Variants in ACOT12 observed in about 807,000 individuals in gnomAD.
The protein encoded by ACOT12 is acetyl-coenzyme A thioesterase.
ACOT12 carries 51 observed loss-of-function variants against 67.7 expected under a neutral mutation model. The observed-to-expected ratio is 0.75, with a 90% confidence interval of 0.60 to 0.95. ACOT12 has a LOEUF of 0.95. ACOT12 is among the 40% of genes least tolerant of loss of function. The pLI is 0.00. For missense variants in ACOT12, 734 were observed against 708.1 expected (o/e 1.04, Z -0.41); for synonymous variants, 251 against 244.6 (o/e 1.03, Z -0.24).
intron 2 of ACOT12, among the ~76,000 whole-genome samples, chr5:81,377,903 C>A (rs992193093): frequency 6.6e-6 from 1 of 152,164 alleles, no homozygotes; most frequent in African/African-American, 2.4e-5. Flanking sequence ...TGAAAATGGC[C>A]ATACTGCCCA....
intron 6 of ACOT12, among the ~76,000 whole-genome samples, chr5:81,346,396 T>C (rs74992013): frequency 0.022 from 3,342 of 152,326 alleles, 115 homozygotes; most frequent in African/African-American, 0.076. Flanking sequence ...CAGGTGTCCT[T>C]ACACAATTCC....
intron 1 of ACOT12, among the ~76,000 whole-genome samples, chr5:81,386,036 ACT>A (rs1760717512): frequency 6.6e-6 from 1 of 152,228 alleles, no homozygotes; most frequent in South Asian, 2.1e-4. Context: ...TAATTACTGC[ACT>A]TTTTATCCTA....
intron 4 of ACOT12, among the ~76,000 whole-genome samples, chr5:81,362,230 AT>A (rs1759934481): frequency 6.6e-6 from 1 of 150,530 alleles, no homozygotes; most frequent in African/African-American, 2.5e-5. Context: ...CAATGGCACA[AT>A]CTTGGCTCAC....
At chr5:81,317,919 G>A in the ACOT12 span, among the ~76,000 whole-genome samples, 1 of 132,280 alleles carries the variant, frequency 7.6e-6, no homozygotes, top group African/African-American at 2.9e-5. Context: ...GACAGAGTTT[G>A]TAGCCCAGGC....
the ACOT12 span, chr5:81,312,682 G>A: frequency 6.5e-7 from 1 of 1,544,368 alleles, no homozygotes; most frequent in Non-Finnish European, 8.9e-7. Context: ...GCACTATCAT[G>A]AGTTACTACC....
chr5:81,332,708 C>T (rs1467055649), intron 12 of ACOT12, 103 bp from the exon 13 acceptor site: 3 of 1,381,514 alleles, frequency 2.2e-6, no homozygotes, highest in African/African-American at 1.4e-5. Flanking sequence ...CCATATTTGC[C>T]CCTTCAGCTC....
At chr5:81,370,229 T>A (rs757451198) in intron 3 of ACOT12, among the ~76,000 whole-genome samples, 3 of 152,096 alleles carry the variant, frequency 2.0e-5, no homozygotes, top group Non-Finnish European at 4.4e-5. Context: ...AGCCGAGATC[T>A]TGCCATTGCA....
chr5:81,316,632 G>A, the ACOT12 span, among the ~76,000 whole-genome samples: 1 of 152,158 alleles, frequency 6.6e-6, no homozygotes, highest in African/African-American at 2.4e-5. Flanking sequence ...TATATACCTA[G>A]AATATTTTTC....
At chr5:81,374,932 G>A (rs1265238053) in intron 2 of ACOT12, among the ~76,000 whole-genome samples, 1 of 152,194 alleles carries the variant, frequency 6.6e-6, no homozygotes, top group African/African-American at 2.4e-5. Flanking sequence ...ATATTATCCA[G>A]GAGAACTTCC....
downstream of ACOT12, among the ~76,000 whole-genome samples, chr5:81,325,558 CGG>C (rs373282911): frequency 3.3e-5 from 5 of 152,072 alleles, no homozygotes; most frequent in East Asian, 9.6e-4. Flanking sequence ...GACAAGGAAA[CGG>C]GGGGGCATGT....
the ACOT12 span, among the ~76,000 whole-genome samples, chr5:81,310,824 A>C: frequency 6.6e-6 from 1 of 152,222 alleles, no homozygotes; most frequent in Non-Finnish European, 1.5e-5. Context: ...TGAGAATCTG[A>C]CATGCTATTC....
chr5:81,363,479 T>C (rs1561340539), intron 4 of ACOT12, among the ~76,000 whole-genome samples: 1 of 152,210 alleles, frequency 6.6e-6, no homozygotes, highest in Non-Finnish European at 1.5e-5. Context: ...TGAAAAGCAC[T>C]AAACCAGTAG....
the ACOT12 span, among the ~76,000 whole-genome samples, chr5:81,320,967 C>A: frequency 1.3e-5 from 2 of 152,240 alleles, 1 homozygote; most frequent in South Asian, 4.1e-4. Flanking sequence ...ATAGATAGTG[C>A]CTTCTTGGCC....
chr5:81,356,577 A>C (rs1759721725), intron 5 of ACOT12, among the ~76,000 whole-genome samples: 1 of 152,066 alleles, frequency 6.6e-6, no homozygotes, highest in African/African-American at 2.4e-5. Context: ...CAGGCACTTC[A>C]GACTCCATAT....
At chr5:81,337,531 C>A (rs1220259205) in intron 11 of ACOT12, among the ~76,000 whole-genome samples, 2 of 152,152 alleles carry the variant, frequency 1.3e-5, no homozygotes, top group Admixed American at 6.5e-5. Flanking sequence ...ATATGACTGG[C>A]ATCCTTATTA....
chr5:81,334,192 G>A (rs532398087), intron 12 of ACOT12, among the ~76,000 whole-genome samples: 14 of 152,256 alleles, frequency 9.2e-5, no homozygotes, highest in Non-Finnish European at 1.9e-4. Context: ...CCAAGGCCAC[G>A]CGTGAGCCGT....
At chr5:81,339,172 A>G (rs1759108466) in intron 11 of ACOT12, among the ~76,000 whole-genome samples, 1 of 152,352 alleles carries the variant, frequency 6.6e-6, no homozygotes, top group African/African-American at 2.4e-5. Context: ...ACTGTGGTAA[A>G]GAGGGCAAAA....
chr5:81,376,525 C>T (rs1211362667), intron 2 of ACOT12, among the ~76,000 whole-genome samples: 1 of 151,564 alleles, frequency 6.6e-6, no homozygotes, highest in East Asian at 2.0e-4. Context: ...CATGAAAACC[C>T]TTCAAAAAAG....
chr5:81,348,005 C>A, intron 5 of ACOT12, 75 bp from the exon 6 acceptor site: 7 of 1,470,960 alleles, frequency 4.8e-6, no homozygotes, highest in Non-Finnish European at 6.4e-6. Flanking sequence ...TCCTTCCCGG[C>A]AGTACATTCA....
Sources: allele counts gnomAD v4.1 joint callset (sites outside exome capture counted in the v4.1 genomes callset), GRCh38; gene constraint gnomAD v4.1.1; transcripts MANE v1.5; gene names NCBI Gene and HGNC (gene_info 2026-07-23, HGNC 2026-07-21).